Variants in ADGRD2 observed in about 807,000 individuals in gnomAD.
ADGRD2 encodes the protein adhesion G protein-coupled receptor D2, also known as G protein-coupled receptor PGR24.
In ADGRD2, 71 loss-of-function variants were observed where a neutral mutation model predicts 44.4. That is an observed-to-expected ratio of 1.60 (90% confidence interval 1.32 to 1.95). The LOEUF (loss-of-function observed/expected upper bound fraction) is 1.95. Among genes scored for constraint, ADGRD2 ranks in the 30% most tolerant of loss-of-function variants. The probability of loss-of-function intolerance (pLI) is 0.00; values close to 1 mark genes in which losing one functional copy is unlikely to be tolerated. For missense variants in ADGRD2, 1,039 were observed against 512.4 expected (o/e 2.03, Z -9.92); for synonymous variants, 481 against 224.8 (o/e 2.14, Z -10.19).
upstream of ADGRD2, among the ~76,000 whole-genome samples, chr9:124,450,609 G>A (rs1314987207): frequency 2.6e-5 from 4 of 152,236 alleles, no homozygotes; most frequent in Non-Finnish European, 5.9e-5. Context: ...GACGCGCAGT[G>A]GTGGGCAAAC....
chr9:124,454,739 T>C lies in ADGRD2; in HGVS notation c.1109-104T>C, dbSNP rs1483807528. On this transcript the variant is annotated intron_variant, in intron 5 of 21. Transcript: ENST00000334810. The surrounding 1 kb of genome is among the most constrained non-coding windows in gnomAD (Gnocchi z 4.5). ...GAGAGTTGGCGGCTTGTGACAAGTT[T>C]AATGGGTGCCCACCAAGAAGACCCT... 1 of 615,724 alleles carries C rather than the reference T, an allele frequency of 1.6e-6. No homozygotes were observed. Among genetic ancestry groups the C allele is most frequent in the Non-Finnish European group, 2.9e-6 (1 of 340,470 alleles). The allele number at this position is 615,724 out of a possible 1,614,324, so 38.1% of individuals were successfully genotyped here.
chr9:124,474,965 C>T (rs372933313), intron 17 of ADGRD2, among the ~76,000 whole-genome samples: 4 of 152,198 alleles, frequency 2.6e-5, no homozygotes, highest in South Asian at 2.1e-4. Context: ...ACCCAAGTCC[C>T]GGCCTCATCT....
chr9:124,463,262 T>C (rs1831753703), intron 10 of ADGRD2, among the ~76,000 whole-genome samples: 1 of 152,244 alleles, frequency 6.6e-6, no homozygotes, highest in African/African-American at 2.4e-5. Flanking sequence ...TTCTCATTTA[T>C]TTCCTTAATC....
In ADGRD2 at chr9:124,458,614, A is replaced by G. The variant is rs1438296684; in HGVS notation, c.1765-2A>G. 4 of 718,560 alleles carry G rather than the reference A, an allele frequency of 5.6e-6. No homozygotes were observed. Among genetic ancestry groups the G allele is most frequent in the Middle Eastern group, 2.3e-4 (1 of 4,374 alleles). 44.5% of individuals were successfully genotyped at this position (718,560 alleles called of 1,614,324 possible). On this transcript the variant is annotated splice_acceptor_variant, in intron 9 of 21. Transcript: ENST00000334810. LOFTEE classifies it high-confidence loss of function. The stretch of plus-strand genomic sequence containing the variant: ...CCTTGAAAGCTCCCATTCTTCCCAC[A>G]GGTTCCTAAGCACCCAGGTGGGGTC...
chr9:124,464,103 G>T (rs970621193), intron 10 of ADGRD2, among the ~76,000 whole-genome samples: 3 of 151,944 alleles, frequency 2.0e-5, no homozygotes, highest in African/African-American at 7.3e-5. Context: ...GCCTCCCAAA[G>T]TGAGCCACCA....
intron 6 of ADGRD2, among the ~76,000 whole-genome samples, chr9:124,456,022 G>C (rs1460758107): frequency 6.6e-6 from 1 of 152,230 alleles, no homozygotes; most frequent in Non-Finnish European, 1.5e-5. Flanking sequence ...ATTCACCATG[G>C]GTAGTGAGCT....
At chr9:124,470,512 G>T (rs1201015535) in exon 17 of ADGRD2, 1 of 711,112 alleles carries the variant, frequency 1.4e-6, no homozygotes. Context: ...TGAAGCCCGT[G>T]CTGGTCCTGC....
At chr9:124,451,224 G>A (rs375471631), upstream of ADGRD2, 3 of 471,612 alleles carry the variant, frequency 6.4e-6, no homozygotes, top group Non-Finnish European at 1.3e-5. Context: ...CTCGGCAGAG[G>A]CCTGATGAAG....
At chr9:124,450,910 G>A (rs1831454344), upstream of ADGRD2, among the ~76,000 whole-genome samples, 1 of 152,232 alleles carries the variant, frequency 6.6e-6, no homozygotes, top group African/African-American at 2.4e-5. Flanking sequence ...TAAAGCCAGG[G>A]CTGGAGCAGA....
chr9:124,453,452 G>T, exon 3 of ADGRD2: 1 of 684,816 alleles, frequency 1.5e-6, no homozygotes, highest in African/African-American at 1.9e-5. Flanking sequence ...CTGGTGCTGG[G>T]CCAGGATCAG....
chr9:124,465,419 T>G (rs1831801644), intron 10 of ADGRD2: 1 of 151,776 alleles, frequency 6.6e-6, no homozygotes, highest in African/African-American at 2.4e-5. Flanking sequence ...TAGCACAATC[T>G]TGGCTCAATA....
At chr9:124,478,104 C>G (rs1266905017) in intron 21 of ADGRD2, among the ~76,000 whole-genome samples, 177 bp from the exon 25 acceptor site, 3 of 152,184 alleles carry the variant, frequency 2.0e-5, no homozygotes, top group African/African-American at 7.2e-5. Flanking sequence ...CACCGCCCCT[C>G]CTGAAAGGCC....
intron 7 of ADGRD2, 29 bp downstream of exon 10, chr9:124,456,762 C>A: frequency 1.4e-6 from 1 of 704,604 alleles, no homozygotes; most frequent in Non-Finnish European, 2.6e-6. Context: ...GCCCACACGG[C>A]TGGACTCAGA....
chr9:124,458,346 C>T (rs1831657021), intron 9 of ADGRD2, 110 bp downstream of exon 12: 1 of 646,410 alleles, frequency 1.5e-6, no homozygotes, highest in Non-Finnish European at 2.8e-6. Flanking sequence ...AGGGCCCACC[C>T]TTTCCCACCC....
At chr9:124,468,149 G>A (rs760256812) in exon 13 of ADGRD2, 138 of 718,438 alleles carry the variant, frequency 1.9e-4, no homozygotes, top group South Asian at 5.9e-4. Context: ...GGCCTCTGCC[G>A]AGGGCTTCCT....
chr9:124,459,573 C>T (rs1831689352), intron 10 of ADGRD2, among the ~76,000 whole-genome samples: 1 of 151,958 alleles, frequency 6.6e-6, no homozygotes. Flanking sequence ...TTCAAGCAAC[C>T]ATGGGTGGAA....
chr9:124,457,854 A>G (rs10733669), intron 8 of ADGRD2, among the ~76,000 whole-genome samples: 93,324 of 152,126 alleles, frequency 0.61, 29,006 homozygotes, highest in Middle Eastern at 0.72. Context: ...AAGATCCCCT[A>G]TGCTTGATGC....
At chr9:124,474,276 CAAAAAAA>C (rs397947760) in intron 17 of ADGRD2, among the ~76,000 whole-genome samples, 5 of 80,646 alleles carry the variant, frequency 6.2e-5, no homozygotes, top group Admixed American at 4.2e-4. Flanking sequence ...AACTCTGTCT[CAAAAAAA>C]AAAAAAAAAA....
At chr9:124,458,305 T>C (rs1203252113) in intron 9 of ADGRD2, 69 bp downstream of exon 12, 1 of 704,794 alleles carries the variant, frequency 1.4e-6, no homozygotes, top group Non-Finnish European at 2.6e-6. Context: ...AAAGCCCCCG[T>C]TCTGGTGGGC....
Sources: gnomAD v4.1 joint callset for allele counts (sites outside exome capture counted in the v4.1 genomes callset) on GRCh38, gnomAD v4.1.1 for gene constraint, Gnocchi (gnomAD v3.1) non-coding constraint, MANE v1.5 for transcripts, NCBI Gene and HGNC (gene_info 2026-07-23, HGNC 2026-07-21) for gene names.